Variants in DCUN1D1 observed in about 807,000 individuals in gnomAD.
The protein encoded by DCUN1D1 is defective in cullin neddylation 1 domain containing 1.
In DCUN1D1, 3 loss-of-function variants were observed where a neutral mutation model predicts 39.0. The ratio of observed to expected loss-of-function variants is 0.08; its 90% CI spans 0.04 to 0.20. The LOEUF (loss-of-function observed/expected upper bound fraction) is 0.20, where lower values mean the gene tolerates loss of function less well. Ranked by LOEUF, DCUN1D1 falls within the 10% of genes least tolerant of loss-of-function variation. The pLI, the probability that DCUN1D1 is intolerant of heterozygous loss-of-function variation, is 1.00. For missense variants in DCUN1D1, 158 were observed against 302.4 expected (o/e 0.52, Z 3.54); for synonymous variants, 82 against 96.3 (o/e 0.85, Z 0.87).
intron 1 of DCUN1D1, among the ~76,000 whole-genome samples, chr3:182,976,375 C>G (rs533047522): frequency 6.6e-6 from 1 of 151,836 alleles, no homozygotes; most frequent in African/African-American, 2.4e-5. Context: ...TGCCTACCCC[C>G]ACTCCTTGCC....
upstream of DCUN1D1, chr3:182,980,715 G>T (rs1577209418): frequency 3.4e-6 from 1 of 294,214 alleles, no homozygotes; most frequent in Non-Finnish European, 5.1e-6. Flanking sequence ...GGGTCCCCCG[G>T]GGAGTGGGCG....
In DCUN1D1 at chr3:182,957,877, G is replaced by A. The variant is rs575423271; in HGVS notation, c.520+3349C>T. ...CACTTGAGCCCAGGAAGTCAAGCCT[G>A]CAGTGAGCCACGATTGCACCACTGC... On this transcript the variant is annotated intron_variant, in intron 4 of 6. Coordinates refer to ENST00000292782, the MANE Select transcript of DCUN1D1 (RefSeq NM_020640.4). 2.2e-5 allele frequency among the ~76,000 whole-genome samples: 3 copies of A among 138,286 alleles called. No individual in the cohort carries two copies. In the East Asian group the frequency reaches 6.1e-4, roughly 28 times the overall value. 90.7% of individuals were successfully genotyped at this position (138,286 alleles called of 152,430 possible). A position where few individuals can be genotyped will look rare whatever the true frequency, so the allele number is the denominator to read the frequency against.
At chr3:182,984,493 A>G (rs1050637892), upstream of DCUN1D1, among the ~76,000 whole-genome samples, 6 of 152,144 alleles carry the variant, frequency 3.9e-5, no homozygotes, top group Admixed American at 2.6e-4. Context: ...CAGGAGTTCT[A>G]ATGACTATTT....
At position 182,942,441 on chromosome 3, in the gene DCUN1D1, T is replaced by TA. The variant is rs1726182016; in HGVS notation, c.*2652dup. On this transcript the variant is annotated 3_prime_UTR_variant, in exon 7 of 7. Transcript: ENST00000292782. ...GGACTGTAAGAAACACAATTGAACTTACAGAGATATGCAGATGATATTCAC... is the reference window on the plus strand; with the variant it reads ...GGACTGTAAGAAACACAATTGAACTTAACAGAGATATGCAGATGATATTCAC... 6.6e-6 allele frequency: 1 copy of TA among 152,114 alleles called. No homozygotes were observed. Among genetic ancestry groups the TA allele is most frequent in the African/African-American group, 2.4e-5 (1 of 41,430 alleles). 9.4% of individuals were successfully genotyped at this position (152,114 alleles called of 1,614,324 possible).
intron 4 of DCUN1D1, chr3:182,956,207 G>T: frequency 3.9e-6 from 1 of 257,910 alleles, no homozygotes; most frequent in Non-Finnish European, 7.9e-6. Context: ...GATTATAGGC[G>T]TGAGCCACCA....
chr3:182,962,026 T>C (rs1338816724), intron 3 of DCUN1D1, among the ~76,000 whole-genome samples: 8 of 152,242 alleles, frequency 5.3e-5, no homozygotes, highest in Non-Finnish European at 5.9e-5. Context: ...TCAATTTTTT[T>C]CCTTCTAATC....
At chr3:182,972,055 T>G (rs1407851481) in intron 1 of DCUN1D1, among the ~76,000 whole-genome samples, 2 of 145,752 alleles carry the variant, frequency 1.4e-5, no homozygotes, top group Admixed American at 6.7e-5. Context: ...TTAGGGTTTT[T>G]TTTTTTTTTT....
chr3:182,978,143 T>C (rs1270407838), intron 1 of DCUN1D1, among the ~76,000 whole-genome samples: 1 of 150,158 alleles, frequency 6.7e-6, no homozygotes, highest in Non-Finnish European at 1.5e-5. Context: ...AGGGAGGAAG[T>C]TAACAGAACT....
intron 4 of DCUN1D1, among the ~76,000 whole-genome samples, chr3:182,957,012 C>A (rs1727109081): frequency 6.6e-6 from 1 of 152,164 alleles, no homozygotes. Flanking sequence ...AATTGGAATG[C>A]TGGCCTGGAG....
chr3:182,980,413 G>A (rs112225175), intron 1 of DCUN1D1, 74 bp downstream of exon 1: 9 of 1,000,744 alleles, frequency 9.0e-6, no homozygotes, highest in Non-Finnish European at 1.1e-5. Flanking sequence ...CGGGACGGAG[G>A]GCGGCCGGGG....
Position 182,944,313 on chromosome 3 carries a change from T to A in DCUN1D1, c.*781A>T, listed in dbSNP as rs1468565859. The A allele has an allele frequency of 1.3e-5, 2 of 152,618 alleles. No individual in the cohort carries two copies. Among genetic ancestry groups the A allele is most frequent in the Admixed American group, 1.3e-4 (2 of 15,284 alleles). The allele number at this position is 152,618 out of a possible 1,614,324, so 9.5% of individuals were successfully genotyped here. A position where few individuals can be genotyped will look rare whatever the true frequency, so the allele number is the denominator to read the frequency against. On this transcript the variant is annotated 3_prime_UTR_variant, in exon 7 of 7. Coordinates refer to ENST00000292782, the MANE Select transcript of DCUN1D1 (RefSeq NM_020640.4). ...AAGTCCAATTATGTAGTGCATAATG[T>A]AGACAGGAGAAGAATCTAACATTAT...
chr3:182,979,575 G>A (rs956238343), intron 1 of DCUN1D1, among the ~76,000 whole-genome samples: 1 of 147,128 alleles, frequency 6.8e-6, no homozygotes, highest in Non-Finnish European at 1.5e-5. Flanking sequence ...GACCACAAGG[G>A]TCTGCAAGCC....
At chr3:182,983,557 A>G (rs1395378526), upstream of DCUN1D1, among the ~76,000 whole-genome samples, 1 of 152,126 alleles carries the variant, frequency 6.6e-6, no homozygotes. Context: ...CTCTACTAAA[A>G]TTAACCGGGC....
chr3:182,980,456 G>T, intron 1 of DCUN1D1, 31 bp downstream of exon 1: 1 of 1,134,764 alleles, frequency 8.8e-7, no homozygotes. Flanking sequence ...CCCCCAGCCG[G>T]CAGGGCGGGC....
chr3:182,943,373 T>G lies in DCUN1D1; in HGVS notation c.*1721A>C, dbSNP rs1331910323. On this transcript the variant is annotated 3_prime_UTR_variant, in exon 7 of 7. Transcript: ENST00000292782. ...TTTCCTTTTTCTTTTAATAACCAAT[T>G]CCAGTAGCCTGAATAGAAATTTTCA... is the stretch of plus-strand genomic sequence containing the variant. 6.6e-6 allele frequency: 1 copy of G among 152,348 alleles called. No homozygotes were observed. The highest frequency in any genetic ancestry group is 2.4e-5 in the African/African-American group (1 of 41,408). 9.4% of individuals were successfully genotyped at this position (152,348 alleles called of 1,614,324 possible).
At position 182,965,657 on chromosome 3, in the gene DCUN1D1, C is replaced by G; in HGVS notation, c.100G>C (p.Asp34His). ...TCTGTTGCAACATCTAACTTCCAGT[C>G]ATTTTGAGAAAGACAACTTACTGCT... is the stretch of plus-strand genomic sequence containing the variant. ...KTAVSCLSQNDWKLDVATDNF... is the reference protein window; with the variant it reads ...KTAVSCLSQNHWKLDVATDNF... The change falls in exon 2 of 7, where the codon GAC becomes CAC. Residue 34 changes from aspartate to histidine, a missense_variant. Physicochemically the swap from Asp to His is moderately conservative, Grantham distance 81. Around this residue, in one of 4 missense-constraint regions of DCUN1D1, gnomAD observed 12 missense variants for 53.3 expected, o/e 0.22. Transcript: ENST00000292782. 9.3e-6 allele frequency: 15 copies of G among 1,613,642 alleles called. No homozygotes were observed. The highest frequency in any genetic ancestry group is 1.3e-5 in the Non-Finnish European group (15 of 1,179,720).
At chr3:182,982,322 G>A (rs1287651980), upstream of DCUN1D1, among the ~76,000 whole-genome samples, 4 of 152,058 alleles carry the variant, frequency 2.6e-5, no homozygotes, top group East Asian at 1.9e-4. Context: ...CCTGTGTCAC[G>A]CTGTCACTCA....
At chr3:182,968,431 T>G (rs1001837696) in intron 1 of DCUN1D1, among the ~76,000 whole-genome samples, 1 of 152,170 alleles carries the variant, frequency 6.6e-6, no homozygotes, top group African/African-American at 2.4e-5. Context: ...AACTATTCAT[T>G]CTACTATACT....
intron 4 of DCUN1D1, among the ~76,000 whole-genome samples, chr3:182,949,764 C>A (rs1238160354): frequency 3.3e-5 from 5 of 152,020 alleles, no homozygotes; most frequent in Admixed American, 3.3e-4. Flanking sequence ...ACTTCCCCAC[C>A]CCCACATACA....
Sources: allele counts gnomAD v4.1 joint callset (sites outside exome capture counted in the v4.1 genomes callset), GRCh38; gene constraint gnomAD v4.1.1; regional missense constraint gnomAD v4.1.1; transcripts MANE v1.5; gene names NCBI Gene and HGNC (gene_info 2026-07-23, HGNC 2026-07-21).